The following RAD51B variants were observed in gnomAD, a reference collection of about 807,000 sequenced individuals.
The protein encoded by RAD51B is RAD51 paralog B, also known as DNA repair protein RAD51 homolog 2.
Under a neutral mutation model 42.2 loss-of-function variants are expected in RAD51B, and 38 were observed. That is an observed-to-expected ratio of 0.90 (90% CI 0.70 to 1.18). The LOEUF (loss-of-function observed/expected upper bound fraction) is 1.18, where lower values mean the gene tolerates loss of function less well. Ranked by LOEUF, RAD51B falls within the 50% of genes most tolerant of loss-of-function variation. The pLI, the probability that RAD51B is intolerant of heterozygous loss-of-function variation, is 0.00. For missense variants in RAD51B, 373 were observed against 400.7 expected (o/e 0.93, Z 0.59); for synonymous variants, 154 against 145.2 (o/e 1.06, Z -0.43).
intron 7 of RAD51B, among the ~76,000 whole-genome samples, chr14:68,136,263 G>T (rs2078006814): frequency 6.6e-6 from 1 of 152,044 alleles, no homozygotes; most frequent in Admixed American, 6.6e-5. Context: ...GCTGTGAGCA[G>T]GGTCACATAT....
intron 8 of RAD51B, among the ~76,000 whole-genome samples, chr14:68,402,872 G>C (rs2084152077): frequency 6.6e-6 from 1 of 152,192 alleles, no homozygotes. Context: ...GAGGCTCAGT[G>C]AGGTTAGGTA....
At chr14:67,977,945 A>G (rs1296960650) in intron 7 of RAD51B, among the ~76,000 whole-genome samples, 2 of 152,118 alleles carry the variant, frequency 1.3e-5, no homozygotes, top group Non-Finnish European at 2.9e-5. Flanking sequence ...ATTCCCTTGT[A>G]TCTTCTTTTA....
At chr14:68,095,575 G>T (rs1251068518) in intron 7 of RAD51B, among the ~76,000 whole-genome samples, 1 of 151,868 alleles carries the variant, frequency 6.6e-6, no homozygotes, top group South Asian at 2.1e-4. Context: ...CTTGGTATCT[G>T]CCCTGCCCCA....
chr14:68,480,098 A>C (rs1479444341), downstream of RAD51B, among the ~76,000 whole-genome samples: 2 of 151,886 alleles, frequency 1.3e-5, no homozygotes, highest in Non-Finnish European at 2.9e-5. Context: ...TTTGAGATGG[A>C]GTGTTGCTCT....
chr14:68,114,255 T>C (rs1456931092), intron 7 of RAD51B: 2 of 152,144 alleles, frequency 1.3e-5, no homozygotes, highest in Non-Finnish European at 2.9e-5. Flanking sequence ...AACAATGTGA[T>C]TGGTACTAGA....
intron 10 of RAD51B, among the ~76,000 whole-genome samples, chr14:68,518,448 C>T (rs374207278): frequency 6.6e-6 from 1 of 152,108 alleles, no homozygotes. Flanking sequence ...CACATCTGTT[C>T]GCCTAGTCGG....
chr14:67,948,200 G>A (rs2045461503), intron 7 of RAD51B, among the ~76,000 whole-genome samples: 1 of 152,210 alleles, frequency 6.6e-6, no homozygotes, highest in African/African-American at 2.4e-5. Flanking sequence ...TATATTTTAA[G>A]ATGGACTCTC....
intron 7 of RAD51B, among the ~76,000 whole-genome samples, chr14:68,010,277 T>C (rs992416883): frequency 6.6e-6 from 1 of 151,894 alleles, no homozygotes; most frequent in Non-Finnish European, 1.5e-5. Context: ...GTTAGCTTGC[T>C]ATGAGATTAA....
intron 7 of RAD51B, among the ~76,000 whole-genome samples, chr14:68,260,107 G>T (rs967195672): frequency 2.0e-5 from 3 of 152,076 alleles, no homozygotes; most frequent in Admixed American, 1.3e-4. Context: ...TAAAATGGGT[G>T]AGCAGAGGAG....
intron 7 of RAD51B, among the ~76,000 whole-genome samples, chr14:67,998,765 T>C (rs1044762025): frequency 6.6e-6 from 1 of 152,134 alleles, no homozygotes. Context: ...TTCAATGAGG[T>C]CTCTCTCCTT....
chr14:68,163,388 C>T (rs1485274684), intron 7 of RAD51B, among the ~76,000 whole-genome samples: 1 of 152,172 alleles, frequency 6.6e-6, no homozygotes. Flanking sequence ...AATGAACATT[C>T]CTCTGATTTC....
chr14:68,456,856 T>C (rs1408355181), intron 9 of RAD51B, among the ~76,000 whole-genome samples: 1 of 126,020 alleles, frequency 7.9e-6, no homozygotes, highest in Non-Finnish European at 1.6e-5. Flanking sequence ...ACTTCTCCAA[T>C]CACAATGGAA....
intron 7 of RAD51B, among the ~76,000 whole-genome samples, chr14:68,184,504 C>T (rs756744010): frequency 6.6e-6 from 1 of 151,174 alleles, no homozygotes; most frequent in Non-Finnish European, 1.5e-5. Context: ...CTCATCTTCC[C>T]AAAGTGCTGG....
chr14:68,019,839 C>A (rs1015103950), intron 7 of RAD51B, among the ~76,000 whole-genome samples: 1 of 152,176 alleles, frequency 6.6e-6, no homozygotes, highest in East Asian at 1.9e-4. Flanking sequence ...TCAGCCATTG[C>A]ATCAGTATTA....
intron 10 of RAD51B, among the ~76,000 whole-genome samples, chr14:68,607,576 A>G (rs1002974868): frequency 6.6e-6 from 1 of 152,180 alleles, no homozygotes. Flanking sequence ...GCCGAGCTTA[A>G]GTGCAGTTCT....
In RAD51B at chr14:68,433,745, C is replaced by T. The variant is rs146990047; in HGVS notation, c.957+22218C>T. ...ATCATCTGAAGCCTTCTTCTCTCAA[C>T]TCGTCAAGGTCATTCTCCGTCCAGC... On this transcript the variant is annotated intron_variant, in intron 9 of 10. Transcript: ENST00000471583. Among the ~76,000 whole-genome samples the T allele has an allele frequency of 7.3e-3, 1,119 of 152,374 alleles. 10 individuals are homozygous for T. Among genetic ancestry groups the T allele is most frequent in the African/African-American group, 0.025 (1,059 of 41,586 alleles).
intron 8 of RAD51B, among the ~76,000 whole-genome samples, chr14:68,310,201 T>G (rs2081942938): frequency 1.3e-5 from 2 of 152,130 alleles, no homozygotes. Flanking sequence ...CTCTCTCCTG[T>G]GTAAAAGGCC....
At position 68,669,980 on chromosome 14, in the gene RAD51B, T is replaced by C. The variant is rs538340222; in HGVS notation, c.*11+19124T>C. On this transcript the variant is annotated intron_variant, in intron 11 of 11. Transcript: ENST00000488612. Reference sequence around the variant, plus strand: ...ACCAGGCCCTGGTGGGGGGCTCAGATTAATGGCACGGAAGTCCCAGAATGA... The same window carrying C: ...ACCAGGCCCTGGTGGGGGGCTCAGACTAATGGCACGGAAGTCCCAGAATGA... Among the ~76,000 whole-genome samples the C allele has an allele frequency of 7.2e-5, 11 of 152,208 alleles. No individual in the cohort carries two copies. In the East Asian group the frequency reaches 1.9e-3, roughly 27 times the overall value.
chr14:68,186,219 G>A (rs1312868082), intron 7 of RAD51B, among the ~76,000 whole-genome samples: 1 of 152,012 alleles, frequency 6.6e-6, no homozygotes, highest in Non-Finnish European at 1.5e-5. Context: ...GACTCAAGAT[G>A]GATTAAAGAT....
Sources: gnomAD v4.1 joint callset for allele counts (sites outside exome capture counted in the v4.1 genomes callset) on GRCh38, gnomAD v4.1.1 for gene constraint, MANE v1.5 for transcripts, NCBI Gene and HGNC (gene_info 2026-07-23, HGNC 2026-07-21) for gene names.